The following PAPPA2 variants were observed in gnomAD, a reference collection of about 807,000 sequenced individuals.
The protein encoded by PAPPA2 is pappalysin-2.
A neutral mutation model predicts 176.4 loss-of-function variants in PAPPA2; 86 were observed. The observed-to-expected ratio is 0.49, with a 90% CI of 0.41 to 0.58. The LOEUF (loss-of-function observed/expected upper bound fraction) is 0.58, where lower values mean the gene tolerates loss of function less well. PAPPA2 is among the 20% of genes least tolerant of loss of function. The probability of loss-of-function intolerance (pLI) is 0.00; values close to 1 mark genes in which losing one functional copy is unlikely to be tolerated. For synonymous variants in PAPPA2, 809 were observed against 852.2 expected (o/e 0.95, Z 0.88); for missense variants, 2,073 against 2,256.9 (o/e 0.92, Z 1.65).
chr1:176,518,467 A>C (rs1013954566), intron 1 of PAPPA2, among the ~76,000 whole-genome samples: 3 of 151,448 alleles, frequency 2.0e-5, no homozygotes, highest in Admixed American at 6.6e-5. Context: ...AAAAAAAAAA[A>C]AACAAACAAA....
intron 1 of PAPPA2, among the ~76,000 whole-genome samples, chr1:176,495,479 G>A (rs1367306458): frequency 6.6e-5 from 10 of 151,010 alleles, no homozygotes; most frequent in Non-Finnish European, 1.0e-4. Flanking sequence ...GGTGGAGGTT[G>A]CAGTGAGCGA....
intron 1 of PAPPA2, among the ~76,000 whole-genome samples, chr1:176,541,657 C>G (rs998123132): frequency 2.0e-5 from 3 of 152,170 alleles, no homozygotes; most frequent in African/African-American, 7.2e-5. Flanking sequence ...TGATCCACAT[C>G]GAGAAGCTCA....
chr1:176,765,796 G>A lies in PAPPA2; in HGVS notation c.4282G>A (p.Ala1428Thr). ...TGCTATCACTTGTCAAAGGGGATTT[G>A]CCCTTCAGGCCAGCAGTGGGCAGTA... ...KCAITCQRGF[A>T]LQASSGQYIR... Residue 1428 changes from alanine to threonine, a missense_variant, in exon 15 of 23, where the codon GCC becomes ACC. Coordinates refer to ENST00000367662, the MANE Select transcript of PAPPA2 (RefSeq NM_020318.3). The A allele has an allele frequency of 1.2e-6, 2 of 1,614,164 alleles. No homozygotes were observed. The highest frequency in any genetic ancestry group is 4.5e-5 in the East Asian group (2 of 44,858).
At chr1:176,649,213 G>A (rs1473338250) in intron 3 of PAPPA2, among the ~76,000 whole-genome samples, 1 of 151,054 alleles carries the variant, frequency 6.6e-6, no homozygotes, top group African/African-American at 2.4e-5. Flanking sequence ...CCAATTTGTT[G>A]GCATATAGTG....
At chr1:176,465,153 G>A (rs1322610590) in intron 1 of PAPPA2, among the ~76,000 whole-genome samples, 3 of 152,098 alleles carry the variant, frequency 2.0e-5, no homozygotes, top group Admixed American at 1.3e-4. Flanking sequence ...CCCATTTTTT[G>A]GGGTACATCT....
chr1:176,615,346 T>C (rs1655142250), intron 3 of PAPPA2, among the ~76,000 whole-genome samples: 1 of 152,236 alleles, frequency 6.6e-6, no homozygotes, highest in South Asian at 2.1e-4. Flanking sequence ...AGTCTTGCTC[T>C]GTCGCCCAGA....
At chr1:176,713,248 T>C (rs2102837761) in intron 12 of PAPPA2, among the ~76,000 whole-genome samples, 1 of 152,050 alleles carries the variant, frequency 6.6e-6, no homozygotes, top group Non-Finnish European at 1.5e-5. Context: ...CTTGAACTCC[T>C]GGGCTCAAGA....
intron 1 of PAPPA2, among the ~76,000 whole-genome samples, chr1:176,497,441 A>G (rs1161743949): frequency 6.6e-6 from 1 of 152,142 alleles, no homozygotes; most frequent in African/African-American, 2.4e-5. Flanking sequence ...AAAGATGAAA[A>G]ACTCGACTCT....
intron 21 of PAPPA2, among the ~76,000 whole-genome samples, chr1:176,804,506 A>G (rs1376899520): frequency 6.6e-6 from 1 of 152,176 alleles, no homozygotes; most frequent in African/African-American, 2.4e-5. Flanking sequence ...TGCCCTTGAG[A>G]CACTGCTGTA....
At chr1:176,687,520 C>T (rs533920292) in intron 4 of PAPPA2, among the ~76,000 whole-genome samples, 1 of 152,188 alleles carries the variant, frequency 6.6e-6, no homozygotes, top group Non-Finnish European at 1.5e-5. Flanking sequence ...CCCATATTCT[C>T]AAGTGTTTTC....
intron 10 of PAPPA2, among the ~76,000 whole-genome samples, chr1:176,709,130 A>G (rs1661024846): frequency 6.6e-6 from 1 of 152,172 alleles, no homozygotes; most frequent in African/African-American, 2.4e-5. Flanking sequence ...GAACTTGTCC[A>G]GTGCATACTA....
At chr1:176,565,798 G>A (rs1418702710) in intron 2 of PAPPA2, among the ~76,000 whole-genome samples, 1 of 105,056 alleles carries the variant, frequency 9.5e-6, no homozygotes, top group Non-Finnish European at 2.4e-5. Context: ...TGCCATTGTT[G>A]CACAATGAGG....
intron 20 of PAPPA2, among the ~76,000 whole-genome samples, chr1:176,797,304 TCATTATAGC>T (rs1665486568): frequency 6.6e-6 from 1 of 152,166 alleles, no homozygotes; most frequent in Admixed American, 6.5e-5. Context: ...AGTTTTCTTA[TCATTATAGC>T]TTTATATGAT....
intron 12 of PAPPA2, among the ~76,000 whole-genome samples, chr1:176,726,856 G>A (rs910415632): frequency 9.2e-5 from 14 of 152,146 alleles, no homozygotes; most frequent in African/African-American, 3.1e-4. Context: ...GCGTAAGTGG[G>A]TAAAAAAGGA....
At chr1:176,674,119 G>A (rs1433523191) in intron 4 of PAPPA2, among the ~76,000 whole-genome samples, 1 of 152,114 alleles carries the variant, frequency 6.6e-6, no homozygotes, top group Admixed American at 6.6e-5. Flanking sequence ...GCTGAACAGT[G>A]ATTTTAGGAG....
chr1:176,767,371 G>T (rs760946990), intron 15 of PAPPA2, among the ~76,000 whole-genome samples: 11 of 152,042 alleles, frequency 7.2e-5, no homozygotes, highest in Non-Finnish European at 1.2e-4. Context: ...ACGGAGTCTC[G>T]CTCTGTCGCC....
intron 4 of PAPPA2, among the ~76,000 whole-genome samples, chr1:176,677,001 C>T (rs1294769483): frequency 2.0e-5 from 3 of 152,120 alleles, no homozygotes; most frequent in Non-Finnish European, 2.9e-5. Context: ...AATAACTGTA[C>T]TACCCTACAA....
At chr1:176,722,419 C>CTTTTTTTTTTTTTTTTTT (rs34221424) in intron 12 of PAPPA2, among the ~76,000 whole-genome samples, 6 of 124,032 alleles carry the variant, frequency 4.8e-5, no homozygotes, top group Non-Finnish European at 8.3e-5. Flanking sequence ...TATACATTTC[C>CTTTTTTTTTTTTTTTTTT]TTTTTTTTTT....
chr1:176,539,471 C>T (rs1184894678), intron 1 of PAPPA2, among the ~76,000 whole-genome samples: 1 of 152,086 alleles, frequency 6.6e-6, no homozygotes, highest in Non-Finnish European at 1.5e-5. Flanking sequence ...TTTTGTTGTC[C>T]CGGCTCTGTT....
Sources: gnomAD v4.1 joint callset for allele counts (sites outside exome capture counted in the v4.1 genomes callset) on GRCh38, gnomAD v4.1.1 for gene constraint, MANE v1.5 for transcripts, NCBI Gene and HGNC (gene_info 2026-07-23, HGNC 2026-07-21) for gene names.